Variants in RIMS2 observed in about 807,000 individuals in gnomAD.
RIMS2 encodes regulating synaptic membrane exocytosis 2.
A neutral mutation model predicts 174.4 loss-of-function variants in RIMS2; 59 were observed. That is an observed-to-expected ratio of 0.34 (90% CI 0.27 to 0.42). RIMS2 has a LOEUF of 0.42. Among genes scored for constraint, RIMS2 ranks in the 10% least tolerant of loss-of-function variants. RIMS2 has a pLI of 1.00. For synonymous variants in RIMS2, 606 were observed against 572.5 expected (o/e 1.06, Z -0.84); for missense variants, 1,620 against 1,666.3 (o/e 0.97, Z 0.48).
intron 19 of RIMS2, among the ~76,000 whole-genome samples, chr8:104,194,163 G>A (rs1467332113): frequency 6.6e-6 from 1 of 151,022 alleles, no homozygotes; most frequent in Non-Finnish European, 1.5e-5. Context: ...TTTTTCAAAT[G>A]AGCAAAATGC....
intron 1 of RIMS2, among the ~76,000 whole-genome samples, chr8:103,666,110 C>T (rs2096665776): frequency 6.6e-6 from 1 of 152,040 alleles, no homozygotes; most frequent in African/African-American, 2.4e-5. Flanking sequence ...TTGGCACTGC[C>T]ACATGGTCAG....
At chr8:104,189,568 T>C (rs1396752499) in intron 19 of RIMS2, among the ~76,000 whole-genome samples, 1 of 143,398 alleles carries the variant, frequency 7.0e-6, no homozygotes, top group East Asian at 2.0e-4. Context: ...AGAGATAAAT[T>C]CCAAATATAT....
At chr8:103,687,308 A>G (rs1301774982) in intron 1 of RIMS2, among the ~76,000 whole-genome samples, 1 of 151,950 alleles carries the variant, frequency 6.6e-6, no homozygotes, top group Non-Finnish European at 1.5e-5. Context: ...TTCTTGCTGT[A>G]GGTAATTTGT....
chr8:103,673,422 CTG>C (rs1324849842), intron 1 of RIMS2, among the ~76,000 whole-genome samples: 2 of 152,228 alleles, frequency 1.3e-5, no homozygotes, highest in East Asian at 1.9e-4. Flanking sequence ...CGCGTGGACA[CTG>C]TGCTTTTTCA....
chr8:103,645,990 G>C (rs951422160), intron 1 of RIMS2, among the ~76,000 whole-genome samples: 4 of 152,062 alleles, frequency 2.6e-5, no homozygotes, highest in African/African-American at 7.2e-5. Flanking sequence ...TGTTTTATAA[G>C]ATTTGGGTAG....
chr8:103,582,585 C>T (rs2093679718), intron 1 of RIMS2, among the ~76,000 whole-genome samples: 1 of 152,104 alleles, frequency 6.6e-6, no homozygotes, highest in Admixed American at 6.5e-5. Context: ...CCAGGCCAGG[C>T]AGCATTCACA....
chr8:103,937,641 C>A (rs2154536114), intron 13 of RIMS2, among the ~76,000 whole-genome samples: 1 of 152,162 alleles, frequency 6.6e-6, no homozygotes, highest in African/African-American at 2.4e-5. Flanking sequence ...AGGAAGTCTT[C>A]ACAAAGAGAG....
At chr8:103,795,704 A>T (rs558293588) in intron 3 of RIMS2, among the ~76,000 whole-genome samples, 1 of 152,266 alleles carries the variant, frequency 6.6e-6, no homozygotes, top group South Asian at 2.1e-4. Flanking sequence ...TGATTTTTCC[A>T]CCTGAACTAG....
chr8:104,056,379 G>A (rs891285402), intron 19 of RIMS2, among the ~76,000 whole-genome samples: 1 of 151,386 alleles, frequency 6.6e-6, no homozygotes, highest in Non-Finnish European at 1.5e-5. Context: ...ACCCCAGCCT[G>A]GGTGACAGAG....
chr8:104,051,098 G>T (rs1421250538), intron 19 of RIMS2, among the ~76,000 whole-genome samples: 1 of 152,018 alleles, frequency 6.6e-6, no homozygotes, highest in Non-Finnish European at 1.5e-5. Context: ...ACTTAGCTGG[G>T]TGTGGTGGCA....
At chr8:103,876,935 A>C (rs2099144051) in intron 3 of RIMS2, among the ~76,000 whole-genome samples, 1 of 116,270 alleles carries the variant, frequency 8.6e-6, no homozygotes, top group Non-Finnish European at 1.9e-5. Flanking sequence ...TATACATAAC[A>C]CAGTTTCTTT....
intron 19 of RIMS2, among the ~76,000 whole-genome samples, chr8:104,059,048 G>A (rs1232344811): frequency 1.3e-5 from 2 of 151,442 alleles, no homozygotes; most frequent in East Asian, 1.9e-4. Context: ...ACTTGGTGAT[G>A]TGGGCTCTTT....
intron 4 of RIMS2, among the ~76,000 whole-genome samples, chr8:103,901,940 A>G (rs1178974217): frequency 1.3e-5 from 2 of 152,302 alleles, no homozygotes; most frequent in East Asian, 3.9e-4. Flanking sequence ...AAATTGCCAG[A>G]CACTTAGCAG....
At chr8:103,632,799 TCTC>T (rs2095969077) in intron 1 of RIMS2, among the ~76,000 whole-genome samples, 2 of 129,294 alleles carry the variant, frequency 1.5e-5, no homozygotes, top group Non-Finnish European at 3.1e-5. Flanking sequence ...AGTGGCGCAA[TCTC>T]GGCTCACTGC....
intron 3 of RIMS2, among the ~76,000 whole-genome samples, chr8:103,832,167 A>G (rs1191447838): frequency 6.6e-6 from 1 of 152,216 alleles, no homozygotes; most frequent in East Asian, 1.9e-4. Flanking sequence ...TTAATATAAA[A>G]TGTATCTTTT....
At chr8:104,057,601 G>A (rs930701833) in intron 19 of RIMS2, among the ~76,000 whole-genome samples, 1 of 150,166 alleles carries the variant, frequency 6.7e-6, no homozygotes, top group Non-Finnish European at 1.5e-5. Context: ...AAGTTTTAGG[G>A]TACATGTGCA....
At chr8:104,049,208 G>A (rs1262192512) in intron 19 of RIMS2, among the ~76,000 whole-genome samples, 2 of 151,324 alleles carry the variant, frequency 1.3e-5, no homozygotes, top group Non-Finnish European at 2.9e-5. Flanking sequence ...GGATCACGAG[G>A]TCAGGAGATC....
intron 19 of RIMS2, among the ~76,000 whole-genome samples, chr8:104,123,487 A>G (rs1014182100): frequency 2.0e-5 from 3 of 152,066 alleles, no homozygotes; most frequent in African/African-American, 7.2e-5. Flanking sequence ...TATTATTTAC[A>G]CTAAATTTTT....
intron 1 of RIMS2, among the ~76,000 whole-genome samples, chr8:103,554,906 A>T (rs141638889): frequency 6.6e-6 from 1 of 152,176 alleles, no homozygotes; most frequent in African/African-American, 2.4e-5. Flanking sequence ...TGGAGGCCAT[A>T]ATCCCAAGTG....
Sources: allele counts gnomAD v4.1 joint callset (sites outside exome capture counted in the v4.1 genomes callset), GRCh38; gene constraint gnomAD v4.1.1; transcripts MANE v1.5; gene names NCBI Gene and HGNC (gene_info 2026-07-23, HGNC 2026-07-21).